The following NPHS2 variants were observed in gnomAD, a reference collection of about 807,000 sequenced individuals.
The protein encoded by NPHS2 is podocin.
NPHS2 carries 36 observed loss-of-function variants against 37.1 expected under a neutral mutation model. The ratio of observed to expected loss-of-function variants is 0.97; its 90% CI spans 0.74 to 1.28. The LOEUF is 1.28. NPHS2 is among the 50% of genes most tolerant of loss of function. NPHS2 has a pLI of 0.00. For missense variants in NPHS2, 447 were observed against 488.1 expected, an observed-to-expected ratio of 0.92 and a Z score of 0.79; for synonymous variants, 196 against 189.3, an observed-to-expected ratio of 1.04 and a Z score of -0.29.
At chr1:179,570,091 C>A (rs944562362) in intron 1 of NPHS2, among the ~76,000 whole-genome samples, 1 of 152,108 alleles carries the variant, frequency 6.6e-6, no homozygotes, top group African/African-American at 2.4e-5. Flanking sequence ...TGTTGGCCTG[C>A]CTTGCTAGAT....
At chr1:179,563,017 T>G (rs1465447764) in intron 2 of NPHS2, among the ~76,000 whole-genome samples, 1 of 152,192 alleles carries the variant, frequency 6.6e-6, no homozygotes, top group Admixed American at 6.5e-5. Context: ...GTGGCAGTCA[T>G]GCAGGTGCTC....
At chr1:179,570,045 A>G (rs1244618425) in intron 1 of NPHS2, among the ~76,000 whole-genome samples, 1 of 152,150 alleles carries the variant, frequency 6.6e-6, no homozygotes, top group Non-Finnish European at 1.5e-5. Flanking sequence ...CTCAAGGAGT[A>G]TCTTTGTGGT....
intron 2 of NPHS2, 89 bp downstream of exon 2, chr1:179,564,601 A>G: frequency 2.7e-6 from 3 of 1,099,556 alleles, no homozygotes; most frequent in East Asian, 2.4e-5. Flanking sequence ...GAGCAATAAC[A>G]TGTACCAGAA....
intron 7 of NPHS2, chr1:179,552,203 C>G: frequency 4.0e-6 from 1 of 248,324 alleles, no homozygotes; most frequent in Non-Finnish European, 8.0e-6. Flanking sequence ...GGGCCCTGAT[C>G]GTGGTTGTCC....
At position 179,561,287 on chromosome 1, in the gene NPHS2, A is replaced by T. The variant is rs786204708; in HGVS notation, c.451+2T>A. On this transcript the variant is annotated splice_donor_variant, in intron 3 of 7. Transcript: ENST00000367615. LOFTEE classifies it high-confidence loss of function. ...TTTAGAAAAAAAAGAGTGTTTTTTT[A>T]CCAGGGCCTTTGGCTCTTCCAGGAA... is the stretch of plus-strand genomic sequence containing the variant. The T allele has an allele frequency of 6.2e-7, 1 of 1,611,542 alleles. No homozygotes were observed. The highest frequency in any genetic ancestry group is 8.5e-7 in the Non-Finnish European group (1 of 1,177,678).
At chr1:179,573,006 T>C (rs2101883727) in intron 1 of NPHS2, among the ~76,000 whole-genome samples, 1 of 152,156 alleles carries the variant, frequency 6.6e-6, no homozygotes, top group East Asian at 1.9e-4. Flanking sequence ...GGCTAATTTA[T>C]TTTTTTGCAG....
intron 6 of NPHS2, among the ~76,000 whole-genome samples, chr1:179,553,832 G>T (rs186477989): frequency 7.2e-5 from 11 of 151,794 alleles, no homozygotes; most frequent in Non-Finnish European, 1.2e-4. Context: ...TGCAGCCTCC[G>T]CCTCCCGGGT....
chr1:179,568,454 A>T (rs1674420163), intron 1 of NPHS2, among the ~76,000 whole-genome samples: 1 of 151,918 alleles, frequency 6.6e-6, no homozygotes, highest in South Asian at 2.1e-4. Context: ...TTTCTTCTTT[A>T]TTAGTCTTGC....
intron 3 of NPHS2, 105 bp downstream of exon 3, chr1:179,561,184 C>T (rs1011144265): frequency 3.5e-5 from 29 of 827,386 alleles, no homozygotes; most frequent in Admixed American, 8.6e-5. Flanking sequence ...TATCATGAAT[C>T]AAGTTACTTC....
intron 1 of NPHS2, among the ~76,000 whole-genome samples, chr1:179,566,914 A>G (rs1674355684): frequency 6.6e-6 from 1 of 152,124 alleles, no homozygotes; most frequent in African/African-American, 2.4e-5. Context: ...GTTCTGTTCC[A>G]TTGGTCTATA....
At chr1:179,551,707 T>C (rs1378556456) in intron 7 of NPHS2, 4 of 497,690 alleles carry the variant, frequency 8.0e-6, no homozygotes, top group African/African-American at 7.7e-5. Context: ...TATTAGCATC[T>C]GGTGGGCCTT....
chr1:179,551,119 C>T lies in NPHS2; in HGVS notation c.*54G>A. 1.9e-6 allele frequency: 3 copies of T among 1,608,056 alleles called. No homozygotes were observed. The highest frequency in any genetic ancestry group is 2.6e-6 in the Non-Finnish European group (3 of 1,176,036). ...ATGAGGACAGAGTGTCTCCCTCAGG[C>T]ATGTGACTTTTCTATGGCAGGCCCC... is the stretch of plus-strand genomic sequence containing the variant. On this transcript the variant is annotated 3_prime_UTR_variant, in exon 8 of 8. Coordinates refer to ENST00000367615, the MANE Select transcript of NPHS2 (RefSeq NM_014625.4).
chr1:179,552,428 A>G (rs373413798), intron 7 of NPHS2, 175 bp downstream of exon 7: 8 of 648,280 alleles, frequency 1.2e-5, no homozygotes, highest in African/African-American at 5.4e-5. Flanking sequence ...GAGGAGTTGC[A>G]TTAGTCAGGG....
At chr1:179,572,920 G>A (rs910467331) in intron 1 of NPHS2, among the ~76,000 whole-genome samples, 4 of 151,350 alleles carry the variant, frequency 2.6e-5, no homozygotes, top group African/African-American at 7.3e-5. Context: ...CTGCATCCTC[G>A]GCCTCCTGGG....
At chr1:179,560,411 C>A (rs568187275) in intron 3 of NPHS2, among the ~76,000 whole-genome samples, 7 of 152,242 alleles carry the variant, frequency 4.6e-5, no homozygotes, top group Non-Finnish European at 1.0e-4. Context: ...ACAAGCAGCA[C>A]CTCACAGAGT....
intron 3 of NPHS2, 141 bp downstream of exon 3, chr1:179,561,148 A>G (rs1023140519): frequency 9.0e-6 from 7 of 774,572 alleles, no homozygotes; most frequent in African/African-American, 8.5e-5. Flanking sequence ...TGAATAACCT[A>G]TAAGTAACAG....
chr1:179,552,411 A>C, intron 7 of NPHS2, 192 bp downstream of exon 7: 1 of 630,358 alleles, frequency 1.6e-6, no homozygotes, highest in East Asian at 2.8e-5. Context: ...GTAGCTTCAG[A>C]GAGGGAGAGG....
At chr1:179,559,989 C>T (rs972094863) in intron 3 of NPHS2, among the ~76,000 whole-genome samples, 1 of 152,150 alleles carries the variant, frequency 6.6e-6, no homozygotes, top group Non-Finnish European at 1.5e-5. Context: ...GCAAACTGGG[C>T]TGTGTGGTCC....
chr1:179,573,376 C>T (rs554870181), intron 1 of NPHS2, among the ~76,000 whole-genome samples: 11 of 152,208 alleles, frequency 7.2e-5, no homozygotes, highest in African/African-American at 2.7e-4. Context: ...AGAAGAACTT[C>T]CTGGGCAAAT....
Sources: allele counts gnomAD v4.1 joint callset (sites outside exome capture counted in the v4.1 genomes callset), GRCh38; gene constraint gnomAD v4.1.1; transcripts MANE v1.5; gene names NCBI Gene and HGNC (gene_info 2026-07-23, HGNC 2026-07-21).